PWWP3A: variants seen among roughly 807,000 people sequenced by gnomAD.
PWWP3A encodes the protein PWWP domain-containing DNA repair factor 3A.
A neutral mutation model predicts 79.0 loss-of-function variants in PWWP3A; 53 were observed. The observed-to-expected ratio is 0.67, with a 90% CI of 0.54 to 0.84. PWWP3A has a LOEUF of 0.84. Ranked by LOEUF, PWWP3A falls within the 40% of genes least tolerant of loss-of-function variation. PWWP3A has a pLI of 0.00. For missense variants in PWWP3A, 973 were observed against 948.0 expected (o/e 1.03, Z -0.35); for synonymous variants, 443 against 394.4 (o/e 1.12, Z -1.46).
At chr19:1,363,619 C>T (rs967317418) in intron 6 of PWWP3A, among the ~76,000 whole-genome samples, 11 of 152,026 alleles carry the variant, frequency 7.2e-5, no homozygotes, top group Non-Finnish European at 1.6e-4. Flanking sequence ...GGGTTTTGCT[C>T]CCGTTTGGTT....
chr19:1,360,951 A>G lies in PWWP3A; in HGVS notation c.1030A>G (p.Arg344Gly). 2 of 1,489,314 alleles carry G rather than the reference A, an allele frequency of 1.3e-6. No individual in the cohort carries two copies. Among genetic ancestry groups the G allele is most frequent in the Non-Finnish European group, 1.8e-6 (2 of 1,119,290 alleles). 92.3% of individuals were successfully genotyped at this position (1,489,314 alleles called of 1,614,324 possible). A position where few individuals can be genotyped will look rare whatever the true frequency, so the allele number is the denominator to read the frequency against. The change falls in exon 5 of 14, where the codon AGG (arginine) becomes GGG (glycine). Residue 344 changes from arginine to glycine, a missense_variant. Arg to Gly is a moderately radical substitution (Grantham distance 125, BLOSUM62 -2). Transcript: ENST00000591337. The surrounding 1 kb of genome is among the most constrained non-coding windows in gnomAD (Gnocchi z 4.4). ...RESVTPRSTA[R>G]LGPPPSHASA... is the part of the protein sequence containing the mutation. ...GTCTGTGACCCCGCGCAGCACCGCC[A>G]GGCTGGGCCCGCCTCCCTCCCACGC...
At chr19:1,357,189 C>G (rs778212208) in intron 3 of PWWP3A, 95 bp downstream of exon 3, 5 of 841,594 alleles carry the variant, frequency 5.9e-6, no homozygotes, top group Non-Finnish European at 9.5e-6. Flanking sequence ...GCCCAGCCCA[C>G]TCTTAATGGG....
chr19:1,361,092 A>G (rs755729763), intron 5 of PWWP3A, 60 bp downstream of exon 5: 174 of 1,353,356 alleles, frequency 1.3e-4, no homozygotes, highest in Non-Finnish European at 1.6e-4. Context: ...CTCCGCAGCC[A>G]GACTGGGAGC....
In PWWP3A at chr19:1,370,625, A is replaced by T. The variant is rs937338674; in HGVS notation, c.1550-17A>T. On this transcript the variant is annotated splice_polypyrimidine_tract_variant and intron_variant, in intron 11 of 13. Coordinates refer to ENST00000591337, the MANE Select transcript of PWWP3A (RefSeq NM_001369789.1). Reference sequence around the variant, plus strand: ...GCAGCCCACGCGCTGGTCCCACGACAGGTGCTTCTTTTGCAGGCTATCCTG... The same window carrying T: ...GCAGCCCACGCGCTGGTCCCACGACTGGTGCTTCTTTTGCAGGCTATCCTG... 6.9e-7 allele frequency: 1 copy of T among 1,444,960 alleles called. No individual in the cohort carries two copies. The highest frequency in any genetic ancestry group is 1.5e-5 in the South Asian group (1 of 66,614). The allele number at this position is 1,444,960 out of a possible 1,614,324, so 89.5% of individuals were successfully genotyped here.
intron 13 of PWWP3A, among the ~76,000 whole-genome samples, chr19:1,375,112 A>G (rs1432290649): frequency 6.6e-6 from 1 of 150,550 alleles, no homozygotes; most frequent in Admixed American, 6.7e-5. Context: ...AGTCCCAGCT[A>G]CTCAGCAGGC....
chr19:1,369,930 G>A lies in PWWP3A; in HGVS notation c.1549+284G>A, dbSNP rs1424566763. On this transcript the variant is annotated intron_variant, in intron 11 of 13. Coordinates refer to ENST00000591337, the MANE Select transcript of PWWP3A (RefSeq NM_001369789.1). This position sits in a 1 kb window ranked among gnomAD's most constrained non-coding sequence, Gnocchi z 4.0. Reference sequence around the variant, plus strand: ...CTGTGGCTGGTGGCTGCACACATCAGATGTTGTGAAGAATGTAGGCCAGGT... The same window carrying A: ...CTGTGGCTGGTGGCTGCACACATCAAATGTTGTGAAGAATGTAGGCCAGGT... Among the ~76,000 whole-genome samples, 7 of 152,212 alleles carry A rather than the reference G, an allele frequency of 4.6e-5. No homozygotes were observed. Among genetic ancestry groups the A allele is most frequent in the Non-Finnish European group, 8.8e-5 (6 of 68,032 alleles).
rs746919777 is a variant in PWWP3A, at chr19:1,371,092, C to T, written c.1986+14C>T. ...CTTCTGCCCGAGGTGAGCCGCGGACCGGCGTGTCACGTGGGCAGGGAGGGG... is the reference window on the plus strand; with the variant it reads ...CTTCTGCCCGAGGTGAGCCGCGGACTGGCGTGTCACGTGGGCAGGGAGGGG... On this transcript the variant is annotated intron_variant, in intron 12 of 13. Coordinates refer to ENST00000591337, the MANE Select transcript of PWWP3A (RefSeq NM_001369789.1). 1.5e-5 allele frequency: 23 copies of T among 1,550,478 alleles called. No homozygotes were observed. Among genetic ancestry groups the T allele is most frequent in the East Asian group, 9.7e-5 (4 of 41,228 alleles).
Position 1,360,106 on chromosome 19 carries a change from A to AC in PWWP3A, c.215-28dup. On this transcript the variant is annotated intron_variant, in intron 4 of 13. Transcript: ENST00000591337. The surrounding 1 kb of genome is among the most constrained non-coding windows in gnomAD (Gnocchi z 4.4). Reference sequence around the variant, plus strand: ...CCGCAGTGCCTGTGCAGTGAACGTAACCGGCATTGTGTATGTTCGGTCCTT... The same window carrying AC: ...CCGCAGTGCCTGTGCAGTGAACGTAACCCGGCATTGTGTATGTTCGGTCCTT... The AC allele has an allele frequency of 6.6e-7, 1 of 1,518,338 alleles. No individual in the cohort carries two copies. Among genetic ancestry groups the AC allele is most frequent in the Non-Finnish European group, 8.8e-7 (1 of 1,135,790 alleles). The allele number at this position is 1,518,338 out of a possible 1,614,324, so 94.1% of individuals were successfully genotyped here.
intron 12 of PWWP3A, chr19:1,372,748 C>CTTT (rs2082289001): frequency 4.0e-6 from 1 of 251,970 alleles, no homozygotes; most frequent in African/African-American, 2.3e-5. Context: ...CAGGGCGAGA[C>CTTT]TCTGTACCAG....
At chr19:1,358,210 C>T (rs1021464775) in intron 3 of PWWP3A, 184 bp from the exon 4 acceptor site, 4 of 447,896 alleles carry the variant, frequency 8.9e-6, no homozygotes, top group African/African-American at 8.3e-5. Context: ...AAAAACCATT[C>T]ACCAGGGTTC....
At chr19:1,375,689 A>G (rs1345260193) in intron 13 of PWWP3A, among the ~76,000 whole-genome samples, 1 of 142,108 alleles carries the variant, frequency 7.0e-6, no homozygotes. Context: ...TTTATAATAT[A>G]TAAAACAATT....
Position 1,369,663 on chromosome 19 carries a change from A to G in PWWP3A, c.1549+17A>G. The G allele has an allele frequency of 1.2e-6, 2 of 1,614,004 alleles. No individual in the cohort carries two copies. The highest frequency in any genetic ancestry group is 1.7e-6 in the Non-Finnish European group (2 of 1,179,834). On this transcript the variant is annotated intron_variant, in intron 11 of 13. Transcript: ENST00000591337. The surrounding 1 kb of genome is among the most constrained non-coding windows in gnomAD (Gnocchi z 4.0). Reference sequence around the variant, plus strand: ...CTGATATAAGTAAGTCTACAGGCACATCTTGGAAAATGTGGTTTGCCTTTT... The same window carrying G: ...CTGATATAAGTAAGTCTACAGGCACGTCTTGGAAAATGTGGTTTGCCTTTT...
intron 5 of PWWP3A, 152 bp from the exon 6 acceptor site, chr19:1,362,098 C>T (rs555358799): frequency 6.9e-5 from 35 of 507,798 alleles, no homozygotes; most frequent in East Asian, 6.6e-4. Context: ...TTATTAGAAG[C>T]GCACTCTGTT....
chr19:1,369,465 C>A lies in PWWP3A; in HGVS notation c.1498+125C>A. 6.7e-7 allele frequency: 1 copy of A among 1,485,776 alleles called. No individual in the cohort carries two copies. The highest frequency in any genetic ancestry group is 9.4e-7 in the Non-Finnish European group (1 of 1,066,624). 92.0% of individuals were successfully genotyped at this position (1,485,776 alleles called of 1,614,324 possible). On this transcript the variant is annotated intron_variant, in intron 10 of 13. Transcript: ENST00000591337. This position sits in a 1 kb window ranked among gnomAD's most constrained non-coding sequence, Gnocchi z 4.0. ...TATTTCCGTGGGCCTGGGGCATTCC[C>A]TGTGGGTGGGCTGGGGTTCTGGCCT...
rs200577591 is a variant in PWWP3A, at chr19:1,357,049, G to T, written c.98G>T (p.Arg33Ile). 52 of 1,613,274 alleles carry T rather than the reference G, an allele frequency of 3.2e-5. No homozygotes were observed. The highest frequency in any genetic ancestry group is 2.5e-6 in the Non-Finnish European group (3 of 1,179,852). Residue 33 changes from arginine to isoleucine, a missense_variant, in exon 3 of 14, where the codon AGA (arginine) becomes ATA (isoleucine). Coordinates refer to ENST00000591337, the MANE Select transcript of PWWP3A (RefSeq NM_001369789.1). ...GCGACTTCAACAAAAAATAAGAGAAGAAAGGAATATTTTCTAGCTGTGCAA... is the reference window on the plus strand; with the variant it reads ...GCGACTTCAACAAAAAATAAGAGAATAAAGGAATATTTTCTAGCTGTGCAA... ...RTATSTKNKR[R>I]KEYFLAVQIL...
intron 3 of PWWP3A, 182 bp from the exon 4 acceptor site, chr19:1,358,212 C>G (rs1261388735): frequency 4.0e-6 from 2 of 494,008 alleles, no homozygotes; most frequent in African/African-American, 4.0e-5. Flanking sequence ...AAACCATTCA[C>G]CAGGGTTCTT....
intron 13 of PWWP3A, among the ~76,000 whole-genome samples, chr19:1,374,808 A>G (rs2082331168): frequency 6.6e-6 from 1 of 152,046 alleles, no homozygotes; most frequent in Non-Finnish European, 1.5e-5. Context: ...TTGAGAGGCT[A>G]AGGTGGGAGG....
intron 2 of PWWP3A, 93 bp from the exon 3 acceptor site, chr19:1,356,916 C>G: frequency 1.0e-6 from 1 of 972,698 alleles, no homozygotes; most frequent in Admixed American, 2.3e-5. Context: ...TATAGGCCTT[C>G]AGGATTACCT....
At chr19:1,371,198 G>T in intron 12 of PWWP3A, 120 bp downstream of exon 12, 1 of 1,085,076 alleles carries the variant, frequency 9.2e-7, no homozygotes, top group Non-Finnish European at 1.4e-6. Flanking sequence ...GGCGGCCAAC[G>T]GAGCGTGGAG....
Sources: allele counts gnomAD v4.1 joint callset (sites outside exome capture counted in the v4.1 genomes callset), GRCh38; gene constraint gnomAD v4.1.1; non-coding constraint Gnocchi (gnomAD v3.1); transcripts MANE v1.5; gene names NCBI Gene and HGNC (gene_info 2026-07-23, HGNC 2026-07-21).